Variants in KCNJ5 observed in about 807,000 individuals in gnomAD.
KCNJ5 encodes the protein potassium inwardly rectifying channel subfamily J member 5.
Under a neutral mutation model 20.2 loss-of-function variants are expected in KCNJ5, and 12 were observed. The observed-to-expected ratio is 0.59, with a 90% CI of 0.38 to 0.96. The LOEUF is 0.96. Among genes scored for constraint, KCNJ5 ranks in the 40% least tolerant of loss-of-function variants. KCNJ5 has a pLI of 0.00. For synonymous variants in KCNJ5, 210 were observed against 213.9 expected (o/e 0.98, Z 0.16); for missense variants, 449 against 557.6 (o/e 0.81, Z 1.96).
chr11:128,904,070 A>G (rs567496473), intron 1 of KCNJ5, among the ~76,000 whole-genome samples: 2 of 152,346 alleles, frequency 1.3e-5, no homozygotes, highest in African/African-American at 4.8e-5. Flanking sequence ...TGTGACCTGT[A>G]AAATGAGGCG....
chr11:128,910,649 T>A (rs778407217), intron 1 of KCNJ5, among the ~76,000 whole-genome samples: 1 of 152,208 alleles, frequency 6.6e-6, no homozygotes, highest in African/African-American at 2.4e-5. Context: ...CCTGTTTTTT[T>A]ATTTATCCAT....
chr11:128,893,703 G>C (rs1221531424), intron 1 of KCNJ5, among the ~76,000 whole-genome samples: 1 of 152,144 alleles, frequency 6.6e-6, no homozygotes, highest in Non-Finnish European at 1.5e-5. Context: ...AGGGTGAGGG[G>C]GGGGGTCAAA....
rs1944490845 is a variant in KCNJ5 at position 128,911,179 on chromosome 11, GC to G, written c.-10-81del. 6.5e-6 allele frequency: 7 copies of G among 1,071,344 alleles called. No individual in the cohort carries two copies. The Admixed American group carries it at 1.3e-4, about 20-fold the overall frequency. The allele number at this position is 1,071,344 out of a possible 1,614,324, so 66.4% of individuals were successfully genotyped here. On this transcript the variant is annotated intron_variant, in intron 1 of 2. Coordinates refer to ENST00000529694, the MANE Select transcript of KCNJ5 (RefSeq NM_000890.5). The surrounding 1 kb of genome is among the most constrained non-coding windows in gnomAD (Gnocchi z 6.3). Reference sequence around the variant, plus strand: ...GATAACAGAAGAGAAGCCTGGGAGAGCCCCGGGGTGGGGGTGGCCTTCCATC... The same window carrying G: ...GATAACAGAAGAGAAGCCTGGGAGAGCCCGGGGTGGGGGTGGCCTTCCATC...
rs748557058 is a variant in KCNJ5, at chr11:128,904,487, T to C, written c.-10-6777T>C. ...ACTAGGCATCAGCACGTTGTCCAGC[T>C]CCCAGCTGATGGCAGCGTGCGTCCA... On this transcript the variant is annotated intron_variant, in intron 1 of 2. Coordinates refer to ENST00000529694, the MANE Select transcript of KCNJ5 (RefSeq NM_000890.5). 4.5e-5 allele frequency: 72 copies of C among 1,596,950 alleles called. No homozygotes were observed. In the Middle Eastern group the frequency reaches 2.8e-3, roughly 62 times the overall value.
intron 1 of KCNJ5, chr11:128,899,932 T>C (rs1045231255): frequency 1.1e-4 from 17 of 151,958 alleles, no homozygotes; most frequent in African/African-American, 4.1e-4. Flanking sequence ...CCTAAGCAAA[T>C]GGGAGCCTGG....
At position 128,891,421 on chromosome 11, in the gene KCNJ5, CA is replaced by C. The variant is rs1944079498; in HGVS notation, c.-310del. 1 of 111,482 alleles carries C rather than the reference CA, an allele frequency of 9.0e-6. No homozygotes were observed. Among genetic ancestry groups the C allele is most frequent in the Non-Finnish European group, 1.8e-5 (1 of 55,408 alleles). 6.9% of individuals were successfully genotyped at this position (111,482 alleles called of 1,614,324 possible). A position where few individuals can be genotyped will look rare whatever the true frequency, so the allele number is the denominator to read the frequency against. On this transcript the variant is annotated 5_prime_UTR_variant, in exon 1 of 3. Transcript: ENST00000529694. ...GGACACACACACACACACACACACA[CA>C]CACACACACACACACACACAGAGAG...
In KCNJ5 at chr11:128,902,649, C is replaced by T. The variant is rs1466063584; in HGVS notation, c.-10-8615C>T. The stretch of plus-strand genomic sequence containing the variant: ...TCATGGGCCTTGCAGATTGAGTTCT[C>T]CTCTTCCTGCCGGGCCGCCTGCCTT... On this transcript the variant is annotated intron_variant, in intron 1 of 2. Transcript: ENST00000529694. The T allele has an allele frequency of 4.3e-6, 7 of 1,613,902 alleles. No homozygotes were observed. In the South Asian group the frequency reaches 6.6e-5, roughly 15 times the overall value.
intron 1 of KCNJ5, among the ~76,000 whole-genome samples, chr11:128,897,989 C>T (rs1944203513): frequency 6.6e-6 from 1 of 152,212 alleles, no homozygotes; most frequent in Non-Finnish European, 1.5e-5. Flanking sequence ...GTTCTCTGTT[C>T]TGTTCCATCA....
intron 1 of KCNJ5, chr11:128,903,471 T>C (rs1227240613): frequency 1.2e-6 from 2 of 1,614,006 alleles, no homozygotes; most frequent in Admixed American, 3.3e-5. Flanking sequence ...AATTCCAGAG[T>C]GAGGAGGTGT....
chr11:128,891,451 G>C lies in KCNJ5; in HGVS notation c.-281G>C, dbSNP rs1263356004. The C allele has an allele frequency of 6.7e-6, 1 of 149,056 alleles. No homozygotes were observed. The highest frequency in any genetic ancestry group is 2.5e-5 in the African/African-American group (1 of 39,862). The allele number at this position is 149,056 out of a possible 1,614,324, so 9.2% of individuals were successfully genotyped here. ...ACACACACACACACACAGAGAGAGA[G>C]AGAGAGAGAGAGAGAGAGAGAGAGA... On this transcript the variant is annotated 5_prime_UTR_variant, in exon 1 of 3. Coordinates refer to ENST00000529694, the MANE Select transcript of KCNJ5 (RefSeq NM_000890.5).
intron 1 of KCNJ5, chr11:128,902,731 G>C (rs1944310821): frequency 6.3e-7 from 1 of 1,581,838 alleles, no homozygotes; most frequent in South Asian, 1.2e-5. Flanking sequence ...TGCAAACAGG[G>C]AGGCTGTGAG....
chr11:128,907,160 C>T (rs532528496), intron 1 of KCNJ5, among the ~76,000 whole-genome samples: 5 of 152,262 alleles, frequency 3.3e-5, no homozygotes, highest in East Asian at 3.9e-4. Context: ...AACTTCATCC[C>T]GTGTTTCAAA....
In KCNJ5 at chr11:128,916,439, T is replaced by A; in HGVS notation, c.968T>A (p.Met323Lys). 6.2e-7 allele frequency: 1 copy of A among 1,614,230 alleles called. No individual in the cohort carries two copies. Among genetic ancestry groups the A allele is most frequent in the Non-Finnish European group, 8.5e-7 (1 of 1,180,038 alleles). The part of the protein sequence containing the change: ...GMTCQARSSY[M>K]DTEVLWGHRF... ...ACCTGCCAAGCCCGGAGCTCCTACA[T>A]GGATACAGAGGTGCTCTGGGGCCAC... The change falls in exon 3 of 3, where the codon ATG becomes AAG. Residue 323 changes from methionine (M) to lysine (K), a missense_variant. Physicochemically the swap from Met to Lys is moderately conservative, Grantham distance 95. Transcript: ENST00000529694.
chr11:128,909,652 C>T (rs1387227453), intron 1 of KCNJ5, among the ~76,000 whole-genome samples: 1 of 152,268 alleles, frequency 6.6e-6, no homozygotes, highest in African/African-American at 2.4e-5. Context: ...AGGGCTCAGG[C>T]CTGCAGGAAA....
chr11:128,891,419 CACACACACACACACACACACACAGAG>C lies in KCNJ5; in HGVS notation c.-311_-286del, dbSNP rs1337579219. The C allele has an allele frequency of 2.1e-4, 24 of 112,402 alleles. No individual in the cohort carries two copies. The highest frequency in any genetic ancestry group is 9.8e-4 in the African/African-American group (24 of 24,578). The allele number at this position is 112,402 out of a possible 1,614,324, so 7.0% of individuals were successfully genotyped here. On this transcript the variant is annotated 5_prime_UTR_variant, in exon 1 of 3. Transcript: ENST00000529694. ...GGGGACACACACACACACACACACACACACACACACACACACACACACAGAGAGAGAGAGAGAGAGAGAGAGAGAGA... is the reference window on the plus strand; with the variant it reads ...GGGGACACACACACACACACACACACAGAGAGAGAGAGAGAGAGAGAGAGA...
chr11:128,915,485 T>G (rs911927998), intron 2 of KCNJ5, among the ~76,000 whole-genome samples: 1 of 152,244 alleles, frequency 6.6e-6, no homozygotes, highest in African/African-American at 2.4e-5. Flanking sequence ...TCATGCTGAA[T>G]TTATCTTTGC....
rs1435701599 is a variant in KCNJ5 at position 128,918,457 on chromosome 11, C to A, written c.*1726C>A. 6.6e-6 allele frequency: 1 copy of A among 152,326 alleles called. No individual in the cohort carries two copies. Among genetic ancestry groups the A allele is most frequent in the Admixed American group, 6.5e-5 (1 of 15,290 alleles). The allele number at this position is 152,326 out of a possible 1,614,324, so 9.4% of individuals were successfully genotyped here. A position where few individuals can be genotyped will look rare whatever the true frequency, so the allele number is the denominator to read the frequency against. ...AGGTCCCGAAATGTGTGTTGACACACACGGGCTTCGGGTTAGCTGGCCTGA... is the reference window on the plus strand; with the variant it reads ...AGGTCCCGAAATGTGTGTTGACACAAACGGGCTTCGGGTTAGCTGGCCTGA... On this transcript the variant is annotated 3_prime_UTR_variant, in exon 3 of 3. Coordinates refer to ENST00000529694, the MANE Select transcript of KCNJ5 (RefSeq NM_000890.5).
intron 1 of KCNJ5, chr11:128,903,328 G>A: frequency 6.2e-7 from 1 of 1,611,612 alleles, no homozygotes; most frequent in South Asian, 1.1e-5. Flanking sequence ...TGTAGAGTGT[G>A]TCTGTGTTGG....
chr11:128,908,373 AGTTT>A lies in KCNJ5; in HGVS notation c.-10-2884_-10-2881del, dbSNP rs977378378. On this transcript the variant is annotated intron_variant, in intron 1 of 2. Coordinates refer to ENST00000529694, the MANE Select transcript of KCNJ5 (RefSeq NM_000890.5). ...GAGTAAACTGAGGCAAAGAAAGTTAAGTTTGTTTGTATTTGGACCACAAAGCTGG... is the reference window on the plus strand; with the variant it reads ...GAGTAAACTGAGGCAAAGAAAGTTAAGTTTGTATTTGGACCACAAAGCTGG... Among the ~76,000 whole-genome samples the A allele has an allele frequency of 4.6e-5, 7 of 152,354 alleles. No homozygotes were observed. In the South Asian group the frequency reaches 1.0e-3, roughly 23 times the overall value.
Sources: gnomAD v4.1 joint callset for allele counts (sites outside exome capture counted in the v4.1 genomes callset) on GRCh38, gnomAD v4.1.1 for gene constraint, Gnocchi (gnomAD v3.1) non-coding constraint, MANE v1.5 for transcripts, NCBI Gene and HGNC (gene_info 2026-07-23, HGNC 2026-07-21) for gene names.